CLCN5: variants seen among roughly 807,000 people sequenced by gnomAD.
CLCN5 encodes Cl-/H+ antiporter 5, also known as H(+)/Cl(-) exchange transporter 5.
In CLCN5, 17 loss-of-function variants were observed where a neutral mutation model predicts 54.0. The ratio of observed to expected loss-of-function variants is 0.31; its 90% CI spans 0.22 to 0.47. The LOEUF (loss-of-function observed/expected upper bound fraction) is 0.47, where lower values mean the gene tolerates loss of function less well. Among genes scored for constraint, CLCN5 ranks in the 20% least tolerant of loss-of-function variants. CLCN5 has a pLI of 1.00. For synonymous variants in CLCN5, 222 were observed against 233.0 expected, an observed-to-expected ratio of 0.95 and a Z score of 0.43; for missense variants, 448 against 646.7, an observed-to-expected ratio of 0.69 and a Z score of 3.33.
chrX:50,090,409 A>T lies in CLCN5; in HGVS notation c.2038A>T (p.Thr680Ser), dbSNP rs1557194601. ...QDSMTVEDVE[T>S]IISETTYSGF... is the part of the protein sequence containing the mutation. ...CAGTATGACTGTGGAAGATGTAGAGACCATAATCAGTGAAACCACTTACAG... is the reference window on the plus strand; with the variant it reads ...CAGTATGACTGTGGAAGATGTAGAGTCCATAATCAGTGAAACCACTTACAG... Residue 680 changes from threonine to serine, a missense_variant, in exon 13 of 15, where the codon ACC (threonine) becomes TCC (serine). Transcript: ENST00000376091. 2 of 1,211,128 alleles carry T rather than the reference A, an allele frequency of 1.7e-6. No homozygotes were observed. Among genetic ancestry groups the T allele is most frequent in the South Asian group, 1.8e-5 (1 of 56,873 alleles).
At position 49,948,829 on chromosome X, in the gene CLCN5, T is replaced by G. The variant is rs782405268; in HGVS notation, c.16+23515T>G. Among the ~76,000 whole-genome samples the G allele has an allele frequency of 9.8e-5, 11 of 112,375 alleles. No individual in the cohort carries two copies. The South Asian group carries it at 3.7e-3, about 38-fold the overall frequency. On this transcript the variant is annotated intron_variant, in intron 3 of 14. Coordinates refer to ENST00000376091, the MANE Select transcript of CLCN5 (RefSeq NM_001127898.4). ...TGCTAACATTAAATATATCATGGGT[T>G]GTAAAATATAAATATCTTAATCTAA... is the stretch of plus-strand genomic sequence containing the variant.
At chrX:50,064,166 C>G (rs1251205268) in intron 4 of CLCN5, among the ~76,000 whole-genome samples, 1 of 109,772 alleles carries the variant, frequency 9.1e-6, no homozygotes, top group African/African-American at 3.3e-5. Context: ...CCAGGGCAAT[C>G]AGGCAGGAGA....
chrX:50,051,171 A>C (rs1403263962), intron 4 of CLCN5, among the ~76,000 whole-genome samples: 3 of 112,059 alleles, frequency 2.7e-5, no homozygotes, highest in Non-Finnish European at 5.6e-5. Flanking sequence ...ATTTAGGTCA[A>C]TGGTACATTT....
At chrX:50,038,866 A>G (rs1347615165) in intron 3 of CLCN5, among the ~76,000 whole-genome samples, 1 of 111,937 alleles carries the variant, frequency 8.9e-6, no homozygotes, top group Admixed American at 9.4e-5. Context: ...GAAGAGGTCC[A>G]GGGGCTTATA....
chrX:50,096,915 C>G lies in CLCN5; in HGVS notation c.*4696C>G, dbSNP rs1359050228. 1 of 111,882 alleles carries G rather than the reference C, an allele frequency of 8.9e-6. No individual in the cohort carries two copies. The highest frequency in any genetic ancestry group is 2.8e-4 in the East Asian group (1 of 3,571). 9.2% of individuals were successfully genotyped at this position (111,882 alleles called of 1,213,427 possible). A position where few individuals can be genotyped will look rare whatever the true frequency, so the allele number is the denominator to read the frequency against. On this transcript the variant is annotated 3_prime_UTR_variant, in exon 15 of 15. Coordinates refer to ENST00000376091, the MANE Select transcript of CLCN5 (RefSeq NM_001127898.4). ...GTCTGGTTTTATGGATAGGGCCGAC[C>G]CAAGACATCTGCTCATGAAGAAATG...
At chrX:50,031,717 T>TTTA (rs782260429) in intron 3 of CLCN5, among the ~76,000 whole-genome samples, 62 of 109,843 alleles carry the variant, frequency 5.6e-4, no homozygotes, top group South Asian at 2.3e-3. Flanking sequence ...TTTTAATTTC[T>TTTA]TTATTATTAT....
At chrX:49,933,374 C>T (rs1297007799) in intron 3 of CLCN5, among the ~76,000 whole-genome samples, 5 of 111,998 alleles carry the variant, frequency 4.5e-5, no homozygotes, top group South Asian at 3.7e-4. Context: ...AGAGGGTAAA[C>T]GAAAACAACC....
intron 3 of CLCN5, among the ~76,000 whole-genome samples, chrX:49,927,943 G>T (rs1160970096): frequency 1.8e-5 from 2 of 112,064 alleles, no homozygotes; most frequent in African/African-American, 3.2e-5. Flanking sequence ...TCATATGTGG[G>T]AGTTAAAAAA....
chrX:50,031,357 C>T (rs1275807159), intron 3 of CLCN5, among the ~76,000 whole-genome samples: 1 of 111,739 alleles, frequency 8.9e-6, no homozygotes, highest in East Asian at 2.8e-4. Flanking sequence ...ACTGGTTTGT[C>T]CTCTTCCTCT....
chrX:50,004,351 C>T (rs1557181082), intron 3 of CLCN5, among the ~76,000 whole-genome samples: 6 of 110,941 alleles, frequency 5.4e-5, no homozygotes, highest in African/African-American at 2.0e-4. Context: ...GATAAGTGCT[C>T]TGGAGAATAA....
chrX:50,068,589 TGGTAAACC>T (rs1185747579), intron 4 of CLCN5, among the ~76,000 whole-genome samples: 1 of 105,466 alleles, frequency 9.5e-6, no homozygotes, highest in Admixed American at 1.0e-4. Flanking sequence ...GACTTACAAT[TGGTAAACC>T]AATTGTAAGT....
At chrX:49,948,332 A>G (rs1365811243) in intron 3 of CLCN5, among the ~76,000 whole-genome samples, 1 of 110,991 alleles carries the variant, frequency 9.0e-6, no homozygotes, top group Non-Finnish European at 1.9e-5. Flanking sequence ...TGAGTCCCAG[A>G]TCTATAAAGG....
chrX:50,090,089 G>A (rs782275740), intron 12 of CLCN5, 27 bp from the exon 13 acceptor site: 1 of 1,206,113 alleles, frequency 8.3e-7, no homozygotes, highest in East Asian at 3.0e-5. Flanking sequence ...TTGCCTACCT[G>A]AGTAGACTGT....
intron 3 of CLCN5, among the ~76,000 whole-genome samples, chrX:49,939,331 A>G (rs1926188724): frequency 9.1e-6 from 1 of 110,378 alleles, no homozygotes; most frequent in Non-Finnish European, 1.9e-5. Flanking sequence ...ATAAAGACAC[A>G]TGTACACGTA....
intron 4 of CLCN5, among the ~76,000 whole-genome samples, chrX:50,044,102 G>A (rs375960526): frequency 1.8e-5 from 2 of 111,498 alleles, no homozygotes; most frequent in South Asian, 3.7e-4. Context: ...CTACCCCTTA[G>A]AGTTATTTTC....
intron 4 of CLCN5, among the ~76,000 whole-genome samples, chrX:50,058,426 A>AT (rs1164423876): frequency 2.8e-4 from 30 of 108,693 alleles, no homozygotes; most frequent in South Asian, 1.2e-3. Flanking sequence ...TTCTCAACAG[A>AT]TTTTTTTTTT....
At position 50,081,712 on chromosome X, in the gene CLCN5, C is replaced by G. The variant is rs1557193186; in HGVS notation, c.798C>G (p.Ile266Met). Residue 266 changes from isoleucine to methionine, a missense_variant, in exon 9 of 15, where the codon ATC (isoleucine) becomes ATG (methionine). Physicochemically the swap from Ile to Met is conservative, Grantham distance 10. Around this residue, in one of 5 missense-constraint regions of CLCN5, gnomAD observed 297 missense variants for 470.4 expected, o/e 0.63. Coordinates refer to ENST00000376091, the MANE Select transcript of CLCN5 (RefSeq NM_001127898.4). Reference sequence around the variant, plus strand: ...AGTGGACTCTGGTTATCAAAACCATCACCTTGGTGCTGGCAGTGTCATCTG... The same window carrying G: ...AGTGGACTCTGGTTATCAAAACCATGACCTTGGTGCTGGCAGTGTCATCTG... ...LGKWTLVIKTITLVLAVSSGL... is the reference protein window; with the variant it reads ...LGKWTLVIKTMTLVLAVSSGL... The G allele has an allele frequency of 8.3e-7, 1 of 1,210,892 alleles. No individual in the cohort carries two copies. The highest frequency in any genetic ancestry group is 1.1e-6 in the Non-Finnish European group (1 of 894,774).
intron 4 of CLCN5, chrX:50,050,148 G>A (rs1448655518): frequency 8.9e-6 from 1 of 112,114 alleles, no homozygotes; most frequent in African/African-American, 3.2e-5. Flanking sequence ...TATGAATGAA[G>A]TTGCTACAAA....
At position 50,049,182 on chromosome X, in the gene CLCN5, C is replaced by T. The variant is rs974023915; in HGVS notation, c.163+6720C>T. On this transcript the variant is annotated intron_variant, in intron 4 of 14. Coordinates refer to ENST00000376091, the MANE Select transcript of CLCN5 (RefSeq NM_001127898.4). ...TCAACTACAGACTGCATATATGATA[C>T]CACGTTTTAATAGTTTGTGGTATAA... Among the ~76,000 whole-genome samples the T allele has an allele frequency of 3.6e-5, 4 of 111,629 alleles. No homozygotes were observed. In the Admixed American group the frequency reaches 3.8e-4, roughly 11 times the overall value.
Sources: allele counts gnomAD v4.1 joint callset (sites outside exome capture counted in the v4.1 genomes callset), GRCh38; gene constraint gnomAD v4.1.1; regional missense constraint gnomAD v4.1.1; transcripts MANE v1.5; gene names NCBI Gene and HGNC (gene_info 2026-07-23, HGNC 2026-07-21).